NUF2: variants seen among roughly 807,000 people sequenced by gnomAD.
NUF2 encodes the protein kinetochore protein Nuf2.
NUF2 carries 34 observed loss-of-function variants against 61.8 expected under a neutral mutation model. The observed-to-expected ratio is 0.55, with a 90% CI of 0.42 to 0.73. NUF2 has a LOEUF of 0.73. Among genes scored for constraint, NUF2 ranks in the 30% least tolerant of loss-of-function variants. The pLI is 0.00. For missense variants in NUF2, 445 were observed against 539.1 expected, an observed-to-expected ratio of 0.83 and a Z score of 1.73; for synonymous variants, 172 against 181.6, an observed-to-expected ratio of 0.95 and a Z score of 0.42.
intron 1 of NUF2, among the ~76,000 whole-genome samples, chr1:163,323,366 C>T (rs185275362): frequency 3.7e-4 from 57 of 152,224 alleles, no homozygotes; most frequent in African/African-American, 1.3e-3. Flanking sequence ...ATGTAGAATG[C>T]ATATTTATGC....
chr1:163,331,016 C>T (rs1329403402), intron 5 of NUF2, among the ~76,000 whole-genome samples: 1 of 129,226 alleles, frequency 7.7e-6, no homozygotes, highest in Non-Finnish European at 1.6e-5. Context: ...AATAGAGATG[C>T]CTTTTATTCT....
chr1:163,326,248 C>G (rs1650414126), intron 2 of NUF2, 74 bp downstream of exon 2: 3 of 1,423,068 alleles, frequency 2.1e-6, no homozygotes, highest in East Asian at 4.6e-5. Context: ...TATTGTGTGG[C>G]AAGAAAGGGA....
rs868431633 is a variant in NUF2 at position 163,330,299 on chromosome 1, T to G, written c.337+1392T>G. 2.6e-5 allele frequency among the ~76,000 whole-genome samples: 4 copies of G among 152,304 alleles called. No homozygotes were observed. The South Asian group carries it at 8.3e-4, about 32-fold the overall frequency. ...TGTACATGTGTGGGGACCCAAGGTA[T>G]ATGGGAACTATCTACTTCCTGTTTA... On this transcript the variant is annotated intron_variant, in intron 5 of 13. Transcript: ENST00000271452.
rs892552191 is a variant in NUF2 at position 163,327,507 on chromosome 1, T to C, written c.143T>C (p.Ile48Thr). Residue 48 changes from isoleucine to threonine, a missense_variant, in exon 3 of 14, where the codon ATC becomes ACC. Coordinates refer to ENST00000271452, the MANE Select transcript of NUF2 (RefSeq NM_145697.3). ...CTGTAGCCTGAAGTCTTGCACATGA[T>C]CTACATGAGAGCCTTACAAATAGTA... is the stretch of plus-strand genomic sequence containing the variant. ...PNPKPEVLHMIYMRALQIVYG... is the reference protein window; with the variant it reads ...PNPKPEVLHMTYMRALQIVYG... 1.1e-5 allele frequency: 18 copies of C among 1,611,590 alleles called. No homozygotes were observed. Among genetic ancestry groups the C allele is most frequent in the Non-Finnish European group, 1.5e-5 (18 of 1,178,010 alleles).
At chr1:163,352,544 G>A (rs1484012856) in intron 13 of NUF2, among the ~76,000 whole-genome samples, 3 of 152,210 alleles carry the variant, frequency 2.0e-5, no homozygotes, top group Admixed American at 2.0e-4. Flanking sequence ...GAACAAGGCA[G>A]GAATGATTTC....
Position 163,322,048 on chromosome 1 carries a change from TCGGCGGC to T in NUF2, c.-180_-174del, listed in dbSNP as rs971037688. 6.6e-6 allele frequency: 1 copy of T among 152,282 alleles called. No individual in the cohort carries two copies. The highest frequency in any genetic ancestry group is 1.5e-5 in the Non-Finnish European group (1 of 68,112). The allele number at this position is 152,282 out of a possible 1,614,324, so 9.4% of individuals were successfully genotyped here. On this transcript the variant is annotated 5_prime_UTR_variant, in exon 1 of 14. Coordinates refer to ENST00000271452, the MANE Select transcript of NUF2 (RefSeq NM_145697.3). ...GCTCCCCGAACTCGCCGTCTTCCTG[TCGGCGGC>T]CGGCACTGTAGGTGAGCGCGAGAGG...
chr1:163,323,998 C>G (rs997147859), intron 1 of NUF2, among the ~76,000 whole-genome samples: 5 of 152,196 alleles, frequency 3.3e-5, no homozygotes, highest in East Asian at 1.9e-4. Flanking sequence ...ATACTGTGCC[C>G]TAGACCAACC....
intron 6 of NUF2, among the ~76,000 whole-genome samples, chr1:163,337,261 G>A (rs886503543): frequency 1.3e-5 from 2 of 152,066 alleles, no homozygotes; most frequent in African/African-American, 4.8e-5. Flanking sequence ...TTGTGGTGGT[G>A]TTTATCATGC....
chr1:163,325,120 C>T (rs1001683298), intron 1 of NUF2, among the ~76,000 whole-genome samples: 1 of 152,098 alleles, frequency 6.6e-6, no homozygotes, highest in African/African-American at 2.4e-5. Context: ...TGGTCTTAAA[C>T]TCCTGGGCTC....
At chr1:163,346,242 A>G (rs1415704401) in intron 11 of NUF2, 1 of 123,506 alleles carries the variant, frequency 8.1e-6, no homozygotes, top group Non-Finnish European at 1.8e-5. Context: ...GATTAACAAT[A>G]ATTACTAATA....
intron 2 of NUF2, among the ~76,000 whole-genome samples, chr1:163,326,396 C>T (rs1322146700): frequency 9.4e-6 from 1 of 106,202 alleles, no homozygotes; most frequent in Non-Finnish European, 2.2e-5. Flanking sequence ...TTAATATAGT[C>T]GTTTTCTTAA....
intron 13 of NUF2, among the ~76,000 whole-genome samples, chr1:163,350,844 G>C (rs763463815): frequency 4.6e-5 from 7 of 152,162 alleles, no homozygotes; most frequent in Non-Finnish European, 8.8e-5. Context: ...CAATGGTATA[G>C]AGTTTTCAAT....
chr1:163,350,301 C>CAAA (rs759212484), intron 13 of NUF2, among the ~76,000 whole-genome samples: 1 of 126,004 alleles, frequency 7.9e-6, no homozygotes, highest in African/African-American at 2.9e-5. Flanking sequence ...GACTCCGTCT[C>CAAA]AAAAAAAAAA....
intron 10 of NUF2, among the ~76,000 whole-genome samples, chr1:163,344,129 G>A (rs3013512): frequency 6.6e-6 from 1 of 152,024 alleles, no homozygotes; most frequent in Non-Finnish European, 1.5e-5. Flanking sequence ...AATGCTGGGT[G>A]GTGAGATTTA....
In NUF2 at chr1:163,335,893, A is replaced by G. The variant is rs139563655; in HGVS notation, c.338-858A>G. On this transcript the variant is annotated intron_variant, in intron 5 of 13. Transcript: ENST00000271452. ...TGTTATTCCCATCAGTGTAATTTTT[A>G]TTTCAGGTATTTTTCAACTCTAAAA... Among the ~76,000 whole-genome samples the G allele has an allele frequency of 4.2e-4, 64 of 152,080 alleles. No homozygotes were observed. The East Asian group carries it at 0.011, about 26-fold the overall frequency.
intron 9 of NUF2, among the ~76,000 whole-genome samples, chr1:163,341,178 GA>G (rs199926185): frequency 1.1e-4 from 16 of 150,768 alleles, no homozygotes; most frequent in African/African-American, 3.4e-4. Flanking sequence ...CTGTTACATT[GA>G]AAAAAAAATC....
intron 7 of NUF2, among the ~76,000 whole-genome samples, chr1:163,339,005 G>A (rs766734659): frequency 1.7e-4 from 26 of 152,094 alleles, no homozygotes; most frequent in Non-Finnish European, 3.5e-4. Context: ...TTGTAAGGAA[G>A]GACTAGTAGC....
chr1:163,339,722 T>G (rs1650878902), intron 8 of NUF2, among the ~76,000 whole-genome samples: 1 of 152,056 alleles, frequency 6.6e-6, no homozygotes, highest in Non-Finnish European at 1.5e-5. Context: ...TTTTCCTAGG[T>G]TTAATTTCAC....
chr1:163,338,171 AT>A (rs765955025), intron 7 of NUF2, 78 bp downstream of exon 7: 1 of 1,027,808 alleles, frequency 9.7e-7, no homozygotes, highest in Non-Finnish European at 1.5e-6. Flanking sequence ...TTACAACCCT[AT>A]ATTCCACCTT....
Sources: allele counts gnomAD v4.1 joint callset (sites outside exome capture counted in the v4.1 genomes callset), GRCh38; gene constraint gnomAD v4.1.1; transcripts MANE v1.5; gene names NCBI Gene and HGNC (gene_info 2026-07-23, HGNC 2026-07-21).